TP63: variants seen among roughly 807,000 people sequenced by gnomAD.
The protein encoded by TP63 is tumor protein 63.
Under a neutral mutation model 82.8 loss-of-function variants are expected in TP63, and 17 were observed. The observed-to-expected ratio is 0.21, with a 90% CI of 0.14 to 0.31. The LOEUF (loss-of-function observed/expected upper bound fraction) is 0.31, where lower values mean the gene tolerates loss of function less well. Among genes scored for constraint, TP63 ranks in the 10% least tolerant of loss-of-function variants. The pLI is 1.00. For synonymous variants in TP63, 330 were observed against 321.7 expected (o/e 1.03, Z -0.28); for missense variants, 648 against 895.3 (o/e 0.72, Z 3.52).
At chr3:189,776,461 GA>G (rs1723802945) in intron 3 of TP63, among the ~76,000 whole-genome samples, 1 of 152,266 alleles carries the variant, frequency 6.6e-6, no homozygotes, top group African/African-American at 2.4e-5. Flanking sequence ...TTTAGGAGTG[GA>G]TGCTTAACTG....
rs1441733646 is a variant in TP63, at chr3:189,886,678, G to T, written c.1507+127G>T. On this transcript the variant is annotated intron_variant, in intron 11 of 13. Transcript: ENST00000264731. The stretch of plus-strand genomic sequence containing the variant: ...CAGTGGGACAGATCAGATCAAAGTG[G>T]AGTGGCTTGGGTTTCTGACTGAACC... 3 of 1,366,290 alleles carry T rather than the reference G, an allele frequency of 2.2e-6. No individual in the cohort carries two copies. In the East Asian group the frequency reaches 7.4e-5, roughly 34 times the overall value. The allele number at this position is 1,366,290 out of a possible 1,614,324, so 84.6% of individuals were successfully genotyped here.
At chr3:189,881,336 A>G in intron 10 of TP63, 1 of 985,358 alleles carries the variant, frequency 1.0e-6, no homozygotes, top group African/African-American at 1.7e-5. Context: ...TTTTAAGATA[A>G]TAGCATAAAG....
At chr3:189,867,369 A>G (rs1717858693) in intron 6 of TP63, among the ~76,000 whole-genome samples, 1 of 152,156 alleles carries the variant, frequency 6.6e-6, no homozygotes, top group African/African-American at 2.4e-5. Context: ...GGACTAGATT[A>G]TGTTTAATTC....
chr3:189,787,409 A>G (rs1003816405), intron 3 of TP63, among the ~76,000 whole-genome samples: 3 of 152,128 alleles, frequency 2.0e-5, no homozygotes, highest in East Asian at 1.9e-4. Flanking sequence ...CCCCAAGGGC[A>G]CGGAGCTCCT....
intron 1 of TP63, among the ~76,000 whole-genome samples, chr3:189,660,933 C>G (rs188287186): frequency 6.6e-6 from 1 of 152,014 alleles, no homozygotes; most frequent in Non-Finnish European, 1.5e-5. Context: ...TATTTTGTAT[C>G]CTGAAACTTT....
chr3:189,802,396 T>G (rs1003328250), intron 3 of TP63, among the ~76,000 whole-genome samples: 1 of 152,222 alleles, frequency 6.6e-6, no homozygotes, highest in Admixed American at 6.5e-5. Context: ...CAGGGACATC[T>G]GTATAGAGAG....
chr3:189,676,056 A>G lies in TP63; in HGVS notation c.62+44479A>G, dbSNP rs1257029329. 3.9e-5 allele frequency among the ~76,000 whole-genome samples: 6 copies of G among 152,298 alleles called. No individual in the cohort carries two copies. The East Asian group carries it at 9.6e-4, about 24-fold the overall frequency. ...TGAAATATAAAAATTATATAGATTTATATTGTATAACATTATGTTTTGATG... is the reference window on the plus strand; with the variant it reads ...TGAAATATAAAAATTATATAGATTTGTATTGTATAACATTATGTTTTGATG... On this transcript the variant is annotated intron_variant, in intron 1 of 13. Coordinates refer to ENST00000264731, the MANE Select transcript of TP63 (RefSeq NM_003722.5).
At chr3:189,872,812 T>C (rs1718593058) in intron 9 of TP63, 47 bp from the exon 10 acceptor site, 1 of 1,613,524 alleles carries the variant, frequency 6.2e-7, no homozygotes, top group Non-Finnish European at 8.5e-7. Context: ...TTCTAACAGT[T>C]CTACAGCTTT....
At chr3:189,734,981 C>T (rs928014126) in intron 1 of TP63, among the ~76,000 whole-genome samples, 1 of 152,060 alleles carries the variant, frequency 6.6e-6, no homozygotes, top group Non-Finnish European at 1.5e-5. Flanking sequence ...TTTTGCACAC[C>T]CCCATTTACT....
the TP63 span, among the ~76,000 whole-genome samples, chr3:189,620,320 C>T: frequency 4.6e-5 from 7 of 152,010 alleles, no homozygotes; most frequent in African/African-American, 9.6e-5. Flanking sequence ...GTCAAGAGAT[C>T]GAGACCATCC....
the TP63 span, among the ~76,000 whole-genome samples, chr3:189,619,055 A>G: frequency 6.6e-6 from 1 of 152,148 alleles, no homozygotes; most frequent in Non-Finnish European, 1.5e-5. Context: ...CCCTCAATCA[A>G]GTACCTGCAA....
At chr3:189,597,652 C>T in the TP63 span, among the ~76,000 whole-genome samples, 3 of 152,134 alleles carry the variant, frequency 2.0e-5, no homozygotes, top group South Asian at 2.1e-4. Flanking sequence ...TGGCCTGGTG[C>T]GGTGGCTCAT....
chr3:189,684,860 G>A (rs1291500345), intron 1 of TP63, among the ~76,000 whole-genome samples: 1 of 151,982 alleles, frequency 6.6e-6, no homozygotes, highest in Non-Finnish European at 1.5e-5. Context: ...TTGGACTCCT[G>A]ACCTCAGATG....
rs963415752 is a variant in TP63 at position 189,895,042 on chromosome 3, C to T, written c.*540C>T. On this transcript the variant is annotated 3_prime_UTR_variant, in exon 14 of 14. Coordinates refer to ENST00000264731, the MANE Select transcript of TP63 (RefSeq NM_003722.5). ...AGAGCTTAATGCTACATGTGAGTGA[C>T]GATGATGTACAGATTCTTTCAGTTC... 2.7e-5 allele frequency: 6 copies of T among 220,270 alleles called. No individual in the cohort carries two copies. The highest frequency in any genetic ancestry group is 1.1e-4 in the African/African-American group (5 of 44,542). 13.6% of individuals were successfully genotyped at this position (220,270 alleles called of 1,614,324 possible). A position where few individuals can be genotyped will look rare whatever the true frequency, so the allele number is the denominator to read the frequency against.
At chr3:189,816,444 G>C (rs1284447710) in intron 4 of TP63, among the ~76,000 whole-genome samples, 2 of 152,128 alleles carry the variant, frequency 1.3e-5, no homozygotes, top group Non-Finnish European at 2.9e-5. Context: ...CTATGCAATT[G>C]TTCCTACCCG....
intron 1 of TP63, among the ~76,000 whole-genome samples, chr3:189,638,809 A>G (rs4381914): frequency 0.34 from 51,659 of 152,032 alleles, 9,124 homozygotes; most frequent in Non-Finnish European, 0.38. Flanking sequence ...ATTGGGAGCC[A>G]AGGGAATGAA....
At chr3:189,677,409 CATATAT>C (rs1394557060) in intron 1 of TP63, among the ~76,000 whole-genome samples, 22 of 81,102 alleles carry the variant, frequency 2.7e-4, no homozygotes, top group Non-Finnish European at 5.6e-4. Flanking sequence ...TATATATATA[CATATAT>C]ACACGTATAC....
the TP63 span, among the ~76,000 whole-genome samples, chr3:189,623,207 A>C: frequency 6.6e-6 from 1 of 152,118 alleles, no homozygotes; most frequent in East Asian, 1.9e-4. Context: ...TGTGGCTTTT[A>C]TGACTTCCTG....
At chr3:189,815,346 C>T (rs1025447884) in intron 4 of TP63, among the ~76,000 whole-genome samples, 2 of 152,014 alleles carry the variant, frequency 1.3e-5, no homozygotes, top group Non-Finnish European at 2.9e-5. Context: ...AGGTAGCAAA[C>T]CCAAATGTCA....
Sources: allele counts gnomAD v4.1 joint callset (sites outside exome capture counted in the v4.1 genomes callset), GRCh38; gene constraint gnomAD v4.1.1; transcripts MANE v1.5; gene names NCBI Gene and HGNC (gene_info 2026-07-23, HGNC 2026-07-21).